Variants in CNTLN observed in about 807,000 individuals in gnomAD.
The protein encoded by CNTLN is centlein, centrosomal protein.
A neutral mutation model predicts 180.0 loss-of-function variants in CNTLN; 212 were observed. The ratio of observed to expected loss-of-function variants is 1.18; its 90% CI spans 1.05 to 1.32. The LOEUF is 1.32. Among genes scored for constraint, CNTLN ranks in the 40% most tolerant of loss-of-function variants. The pLI is 0.00. For missense variants in CNTLN, 2,095 were observed against 1,610.9 expected, an observed-to-expected ratio of 1.30 and a Z score of -5.14; for synonymous variants, 722 against 563.1, an observed-to-expected ratio of 1.28 and a Z score of -3.99.
intron 18 of CNTLN, among the ~76,000 whole-genome samples, chr9:17,436,717 T>G (rs574971091): frequency 6.6e-6 from 1 of 152,240 alleles, no homozygotes; most frequent in African/African-American, 2.4e-5. Context: ...AGAATTCTTA[T>G]TTGAAAGATA....
chr9:17,158,245 A>C (rs1227835866), intron 2 of CNTLN, among the ~76,000 whole-genome samples: 1 of 152,140 alleles, frequency 6.6e-6, no homozygotes, highest in Non-Finnish European at 1.5e-5. Flanking sequence ...TGTAGGATAA[A>C]TTCTTGGTCA....
chr9:17,195,819 T>C (rs778196942), intron 2 of CNTLN, among the ~76,000 whole-genome samples: 20 of 152,194 alleles, frequency 1.3e-4, no homozygotes, highest in Non-Finnish European at 2.4e-4. Context: ...TTCCTGGTTT[T>C]ATTTGTGGTA....
chr9:17,399,184 G>C (rs1378555963), intron 15 of CNTLN, among the ~76,000 whole-genome samples: 1 of 152,126 alleles, frequency 6.6e-6, no homozygotes, highest in Non-Finnish European at 1.5e-5. Context: ...CCACCTCTTT[G>C]AGCTACTCAC....
the CNTLN span, among the ~76,000 whole-genome samples, chr9:17,522,739 A>C: frequency 3.3e-5 from 5 of 151,568 alleles, no homozygotes; most frequent in Non-Finnish European, 7.4e-5. Flanking sequence ...ACTAAAAAAA[A>C]CCCACTTTTT....
intron 5 of CNTLN, among the ~76,000 whole-genome samples, chr9:17,263,993 T>A (rs1288665404): frequency 6.9e-6 from 1 of 145,686 alleles, no homozygotes; most frequent in African/African-American, 2.6e-5. Context: ...TTTTGTAGGT[T>A]GCCTGTTCAC....
At chr9:17,216,678 T>A (rs1177719391) in intron 2 of CNTLN, among the ~76,000 whole-genome samples, 1 of 152,196 alleles carries the variant, frequency 6.6e-6, no homozygotes, top group Non-Finnish European at 1.5e-5. Context: ...GGGAGACTAT[T>A]TCTGTAAGTT....
intron 19 of CNTLN, among the ~76,000 whole-genome samples, chr9:17,458,524 T>A (rs1831268032): frequency 1.3e-5 from 2 of 151,966 alleles, no homozygotes; most frequent in South Asian, 4.1e-4. Context: ...AGAAATGGAA[T>A]AATCATCCCT....
At chr9:17,156,437 G>C (rs1391144570) in intron 2 of CNTLN, among the ~76,000 whole-genome samples, 1 of 151,918 alleles carries the variant, frequency 6.6e-6, no homozygotes, top group African/African-American at 2.4e-5. Flanking sequence ...GTTCCTAGGA[G>C]GATCAAACAT....
chr9:17,289,985 G>A (rs1345917696), intron 6 of CNTLN, among the ~76,000 whole-genome samples: 5 of 151,698 alleles, frequency 3.3e-5, no homozygotes, highest in African/African-American at 9.7e-5. Flanking sequence ...TAATTTGATC[G>A]TCTGAAGCCT....
intron 2 of CNTLN, among the ~76,000 whole-genome samples, chr9:17,199,502 T>C (rs1822378222): frequency 6.6e-6 from 1 of 152,172 alleles, no homozygotes; most frequent in South Asian, 2.1e-4. Context: ...TAAGCCACCA[T>C]GCCCAGCTTC....
intron 8 of CNTLN, among the ~76,000 whole-genome samples, chr9:17,329,933 A>T (rs1820535227): frequency 6.6e-6 from 1 of 151,900 alleles, no homozygotes; most frequent in African/African-American, 2.4e-5. Context: ...TGTTAATTTG[A>T]AACAGCGAAT....
Position 17,330,695 on chromosome 9 carries a change from G to C in CNTLN, c.1405G>C (p.Glu469Gln). 1 of 1,611,396 alleles carries C rather than the reference G, an allele frequency of 6.2e-7. No individual in the cohort carries two copies. Among genetic ancestry groups the C allele is most frequent in the Non-Finnish European group, 8.5e-7 (1 of 1,178,296 alleles). Residue 469 changes from glutamate (E) to glutamine (Q), a missense_variant, in exon 9 of 26, where the codon GAG (glutamate) becomes CAG (glutamine). Transcript: ENST00000380647. ...TLMVSQKSEI[E>Q]YLQEKLKIAN... ...AATGGTTTCACAGAAGTCTGAAATT[G>C]AGTATTTACAGGAGAAACTAAAGAT...
chr9:17,321,708 A>G (rs1050531222), intron 8 of CNTLN, among the ~76,000 whole-genome samples: 12 of 152,290 alleles, frequency 7.9e-5, no homozygotes, highest in African/African-American at 2.4e-4. Context: ...ATCTGATTGT[A>G]GTACCTTTAC....
chr9:17,436,156 T>A (rs1360180753), intron 18 of CNTLN, among the ~76,000 whole-genome samples: 1 of 152,230 alleles, frequency 6.6e-6, no homozygotes, highest in Non-Finnish European at 1.5e-5. Context: ...CATAATTTGA[T>A]AAATATTACA....
chr9:17,236,562 A>C lies in CNTLN; in HGVS notation c.823A>C (p.Lys275Gln), dbSNP rs910837260. ...RKQEAHLRKE[K>Q]YSTDAKIKTF... ...GCAGGAAGCACATTTGAGAAAAGAA[A>C]AATATAGCACTGATGCAAAAATAAA... The change falls in exon 5 of 26, where the codon AAA (lysine) becomes CAA (glutamine). Residue 275 changes from lysine to glutamine, a missense_variant. Lys to Gln is a moderately conservative substitution (Grantham distance 53, BLOSUM62 1). Coordinates refer to ENST00000380647, the MANE Select transcript of CNTLN (RefSeq NM_017738.4). The C allele has an allele frequency of 3.1e-6, 5 of 1,612,742 alleles. No individual in the cohort carries two copies. The African/African-American group carries it at 6.7e-5, about 22-fold the overall frequency.
At chr9:17,480,366 A>G (rs900665956) in intron 23 of CNTLN, among the ~76,000 whole-genome samples, 1 of 152,098 alleles carries the variant, frequency 6.6e-6, no homozygotes, top group Non-Finnish European at 1.5e-5. Context: ...GGCAAAAAAA[A>G]AAAAACACAT....
At chr9:17,307,981 C>T (rs1818843249) in intron 7 of CNTLN, among the ~76,000 whole-genome samples, 2 of 134,730 alleles carry the variant, frequency 1.5e-5, no homozygotes, top group Admixed American at 1.4e-4. Flanking sequence ...ACCACACACA[C>T]ACACACACAC....
intron 8 of CNTLN, among the ~76,000 whole-genome samples, chr9:17,321,174 T>A (rs1297771529): frequency 2.6e-5 from 4 of 152,236 alleles, no homozygotes; most frequent in Non-Finnish European, 5.9e-5. Context: ...CCTTTAAATA[T>A]ATGTTAGGGA....
At chr9:17,269,265 ACTACT>A (rs779413166) in intron 5 of CNTLN, among the ~76,000 whole-genome samples, 1 of 152,136 alleles carries the variant, frequency 6.6e-6, no homozygotes, top group African/African-American at 2.4e-5. Flanking sequence ...TTAATTAACC[ACTACT>A]CTAATCTTTC....
Sources: gnomAD v4.1 joint callset for allele counts (sites outside exome capture counted in the v4.1 genomes callset) on GRCh38, gnomAD v4.1.1 for gene constraint, MANE v1.5 for transcripts, NCBI Gene and HGNC (gene_info 2026-07-23, HGNC 2026-07-21) for gene names.